The following SAMM50 variants were observed in gnomAD, a reference collection of about 807,000 sequenced individuals.
SAMM50 encodes the protein sorting and assembly machinery component 50 homolog.
A neutral mutation model predicts 66.9 loss-of-function variants in SAMM50; 47 were observed. That is an observed-to-expected ratio of 0.70 (90% CI 0.56 to 0.90). The LOEUF (loss-of-function observed/expected upper bound fraction) is 0.90, where lower values mean the gene tolerates loss of function less well. SAMM50 is among the 40% of genes least tolerant of loss of function. The probability of loss-of-function intolerance (pLI) is 0.00; values close to 1 mark genes in which losing one functional copy is unlikely to be tolerated. For synonymous variants in SAMM50, 191 were observed against 214.1 expected, an observed-to-expected ratio of 0.89 and a Z score of 0.94; for missense variants, 535 against 595.3, an observed-to-expected ratio of 0.90 and a Z score of 1.05.
chr22:43,973,078 C>A, intron 6 of SAMM50, 77 bp downstream of exon 6: 2 of 1,536,534 alleles, frequency 1.3e-6, no homozygotes, highest in South Asian at 1.2e-5. Context: ...GTGAAAAGAA[C>A]CATGACAGAA....
chr22:43,968,226 C>CGAAAAAAAAAAAA (rs2050183590), intron 3 of SAMM50, among the ~76,000 whole-genome samples: 1 of 68,648 alleles, frequency 1.5e-5, no homozygotes, highest in Non-Finnish European at 2.8e-5. Flanking sequence ...AACTCTGTCT[C>CGAAAAAAAAAAAA]AAAAAAAAAA....
At position 43,963,380 on chromosome 22, in the gene SAMM50, T is replaced by G. The variant is rs1302027319; in HGVS notation, c.116T>G (p.Ile39Ser). The G allele has an allele frequency of 6.2e-7, 1 of 1,609,074 alleles. No homozygotes were observed. The highest frequency in any genetic ancestry group is 1.7e-5 in the Admixed American group (1 of 58,938). ...VEVEPEAKQE[I>S]LENKDVVVQH... ...GTTGAGCCTGAAGCTAAACAGGAAATTCTTGAAAACAAAGATGTGAGTTTT... is the reference window on the plus strand; with the variant it reads ...GTTGAGCCTGAAGCTAAACAGGAAAGTCTTGAAAACAAAGATGTGAGTTTT... Residue 39 changes from isoleucine (I) to serine (S), a missense_variant, in exon 2 of 15, where the codon ATT (isoleucine) becomes AGT (serine). By Grantham distance (142) the Ile-to-Ser change is moderately radical. Transcript: ENST00000350028.
chr22:43,958,908 A>G (rs1446128984), intron 1 of SAMM50, among the ~76,000 whole-genome samples: 2 of 152,200 alleles, frequency 1.3e-5, no homozygotes, highest in Non-Finnish European at 2.9e-5. Context: ...TCAAGACTCA[A>G]ACAGTAAGAA....
At chr22:43,964,615 C>T in intron 3 of SAMM50, 62 bp downstream of exon 3, 5 of 893,520 alleles carry the variant, frequency 5.6e-6, no homozygotes, top group Non-Finnish European at 9.2e-6. Flanking sequence ...GTAAATGTCC[C>T]CATGTGAAAC....
chr22:43,993,593 AG>A (rs1173613268), intron 14 of SAMM50, among the ~76,000 whole-genome samples: 3 of 152,240 alleles, frequency 2.0e-5, no homozygotes, highest in Non-Finnish European at 4.4e-5. Flanking sequence ...CCCCCAGGCC[AG>A]GTGGCAGCTG....
chr22:43,981,238 G>A (rs2050263075), intron 10 of SAMM50, among the ~76,000 whole-genome samples, 153 bp from the exon 11 acceptor site: 1 of 152,248 alleles, frequency 6.6e-6, no homozygotes, highest in African/African-American at 2.4e-5. Context: ...GCTCTGCAAC[G>A]GGACAAGCCA....
Position 43,976,758 on chromosome 22 carries a change from G to T in SAMM50, c.786G>T (p.Met262Ile). The change falls in exon 9 of 15, where the codon ATG becomes ATT. Residue 262 changes from methionine to isoleucine, a missense_variant. Coordinates refer to ENST00000350028, the MANE Select transcript of SAMM50 (RefSeq NM_015380.5). ...ATTCAAATTTCTTTCAGCACGCCAT[G>T]GTCATCGATTCTCGGAATTCTTCCA... Reference protein sequence around the residue: ...HSLKSSLSHAMVIDSRNSSIL... With the variant: ...HSLKSSLSHAIVIDSRNSSIL... The T allele has an allele frequency of 6.2e-7, 1 of 1,611,056 alleles. No individual in the cohort carries two copies. Among genetic ancestry groups the T allele is most frequent in the South Asian group, 1.1e-5 (1 of 90,682 alleles).
intron 12 of SAMM50, chr22:43,987,213 A>C (rs1246352362): frequency 1.3e-5 from 2 of 152,208 alleles, no homozygotes; most frequent in Non-Finnish European, 1.5e-5. Context: ...CAAGAGCCTT[A>C]AAATGTGTAT....
intron 14 of SAMM50, among the ~76,000 whole-genome samples, chr22:43,992,366 G>C (rs80103710): frequency 3.9e-5 from 6 of 152,186 alleles, no homozygotes; most frequent in Non-Finnish European, 7.3e-5. Context: ...CATCTGCTCC[G>C]CGTCTGGGGA....
chr22:43,991,697 A>G (rs1282350403), intron 14 of SAMM50, among the ~76,000 whole-genome samples: 2 of 152,238 alleles, frequency 1.3e-5, no homozygotes, highest in Non-Finnish European at 2.9e-5. Flanking sequence ...ATACTCTGCC[A>G]GTTCTGGAGG....
chr22:43,964,413 C>A, intron 2 of SAMM50, 39 bp from the exon 3 acceptor site: 1 of 1,070,018 alleles, frequency 9.3e-7, no homozygotes, highest in Non-Finnish European at 1.4e-6. Context: ...ATCTGTTTGC[C>A]TCATGTCATC....
Position 43,973,281 on chromosome 22 carries a change from C to G in SAMM50, c.606C>G (p.Ser202Arg), listed in dbSNP as rs777074079. 1 of 1,608,336 alleles carries G rather than the reference C, an allele frequency of 6.2e-7. No individual in the cohort carries two copies. The highest frequency in any genetic ancestry group is 8.5e-7 in the Non-Finnish European group (1 of 1,174,764). ...AAGTTACTGGACAGTTCCCTTGGAG[C>G]TCACTGCGGGAGACGGACAGAGGAA... ...LYKVTGQFPW[S>R]SLRETDRGMS... Residue 202 changes from serine (S) to arginine (R), a missense_variant, in exon 7 of 15, where the codon AGC (serine) becomes AGG (arginine). Transcript: ENST00000350028.
At chr22:43,995,188 G>GTAT (rs1411863835) in intron 14 of SAMM50, among the ~76,000 whole-genome samples, 2 of 152,174 alleles carry the variant, frequency 1.3e-5, no homozygotes, top group Non-Finnish European at 2.9e-5. Flanking sequence ...GCCGGGGCTG[G>GTAT]TTAATAAGCA....
intron 12 of SAMM50, among the ~76,000 whole-genome samples, chr22:43,986,064 ATGGAGTCTTGCTC>A (rs140963094): frequency 0.43 from 55,323 of 128,458 alleles, 12,498 homozygotes; most frequent in African/African-American, 0.63. Flanking sequence ...TTTTTTTGAG[ATGGAGTCTTGCTC>A]TGTTGCCCAG....
At chr22:43,990,581 A>G (rs2146828378) in intron 14 of SAMM50, among the ~76,000 whole-genome samples, 175 bp downstream of exon 14, 1 of 152,296 alleles carries the variant, frequency 6.6e-6, no homozygotes, top group Middle Eastern at 3.4e-3. Flanking sequence ...TTCTCCATCT[A>G]GCTGGGAGGA....
chr22:43,973,446 T>C, intron 7 of SAMM50, 123 bp downstream of exon 7: 1 of 648,896 alleles, frequency 1.5e-6, no homozygotes, highest in East Asian at 2.9e-5. Flanking sequence ...CCGCACCAGG[T>C]ACCTCCTGGC....
rs1475100991 is a variant in SAMM50, at chr22:43,983,548, C to T, written c.1008-385C>T. On this transcript the variant is annotated intron_variant, in intron 11 of 14. Transcript: ENST00000350028. The surrounding 1 kb of genome is among the most constrained non-coding windows in gnomAD (Gnocchi z 4.2). ...GATTATACTATTAAATAATTTGTAT[C>T]CTGCTCTTCTTCCCCTAATATCGCA... Among the ~76,000 whole-genome samples the T allele has an allele frequency of 6.6e-6, 1 of 152,074 alleles. No individual in the cohort carries two copies. The highest frequency in any genetic ancestry group is 1.5e-5 in the Non-Finnish European group (1 of 68,008).
chr22:43,973,050 A>T (rs2050212151), intron 6 of SAMM50, 49 bp downstream of exon 6: 1 of 1,568,332 alleles, frequency 6.4e-7, no homozygotes, highest in South Asian at 1.2e-5. Context: ...TAGAAAAGTT[A>T]AAATAGGTGG....
rs531541541 is a variant in SAMM50 at position 43,983,778 on chromosome 22, C to A, written c.1008-155C>A. Among the ~76,000 whole-genome samples the A allele has an allele frequency of 6.6e-6, 1 of 152,166 alleles. No homozygotes were observed. Among genetic ancestry groups the A allele is most frequent in the Non-Finnish European group, 1.5e-5 (1 of 68,014 alleles). On this transcript the variant is annotated intron_variant, in intron 11 of 14. Coordinates refer to ENST00000350028, the MANE Select transcript of SAMM50 (RefSeq NM_015380.5). The surrounding 1 kb of genome is among the most constrained non-coding windows in gnomAD (Gnocchi z 4.2). ...TTATGAAATTCCCCTGTAGTGTGCA[C>A]CCTCTTGGTCTTTCTCAAAGGTTTT...
Sources: gnomAD v4.1 joint callset for allele counts (sites outside exome capture counted in the v4.1 genomes callset) on GRCh38, gnomAD v4.1.1 for gene constraint, Gnocchi (gnomAD v3.1) non-coding constraint, MANE v1.5 for transcripts, NCBI Gene and HGNC (gene_info 2026-07-23, HGNC 2026-07-21) for gene names.